Variants in VPS13A observed in about 807,000 individuals in gnomAD.
The protein encoded by VPS13A is intermembrane lipid transfer protein VPS13A.
VPS13A carries 264 observed loss-of-function variants against 390.9 expected under a neutral mutation model. The observed-to-expected ratio is 0.68, with a 90% CI of 0.61 to 0.75. VPS13A has a LOEUF of 0.75. VPS13A is among the 30% of genes least tolerant of loss of function. The pLI is 0.00. For synonymous variants in VPS13A, 1,231 were observed against 1,227.1 expected, an observed-to-expected ratio of 1.00 and a Z score of -0.07; for missense variants, 3,409 against 3,733.9, an observed-to-expected ratio of 0.91 and a Z score of 2.27.
At chr9:77,399,167 T>TAAA (rs763173093) in intron 68 of VPS13A, among the ~76,000 whole-genome samples, 30 of 86,104 alleles carry the variant, frequency 3.5e-4, no homozygotes, top group African/African-American at 7.9e-4. Flanking sequence ...TAGAGTATAA[T>TAAA]AAAAAAAAAA....
At chr9:77,313,897 C>A in intron 35 of VPS13A, 95 bp from the exon 36 acceptor site, 1 of 1,293,144 alleles carries the variant, frequency 7.7e-7, no homozygotes, top group Non-Finnish European at 1.1e-6. Flanking sequence ...TTTACTATAC[C>A]TGTTTAATAA....
In VPS13A at chr9:77,307,923, A is replaced by G. The variant is rs2275549; in HGVS notation, c.3961-22A>G. 824,047 of 1,550,302 alleles carry G rather than the reference A, an allele frequency of 0.53. 220,994 individuals are homozygous for G. Among genetic ancestry groups the G allele is most frequent in the Admixed American group, 0.63 (36,998 of 58,948 alleles). ...CAATGAAGTAGCAGTGCTAAAAAGA[A>G]CAAATCTTTTTTTTTTAACAGTTCA... On this transcript the variant is annotated intron_variant, in intron 34 of 71. Transcript: ENST00000360280.
chr9:77,292,863 G>C (rs1272317428), intron 31 of VPS13A, among the ~76,000 whole-genome samples: 1 of 151,986 alleles, frequency 6.6e-6, no homozygotes, highest in East Asian at 1.9e-4. Flanking sequence ...AATCTGATAA[G>C]GAACAGAAGT....
chr9:77,181,015 A>G (rs1373415100), intron 1 of VPS13A, among the ~76,000 whole-genome samples: 1 of 152,168 alleles, frequency 6.6e-6, no homozygotes, highest in Non-Finnish European at 1.5e-5. Flanking sequence ...ATGCCACTGC[A>G]TTCCAACCTA....
intron 22 of VPS13A, among the ~76,000 whole-genome samples, chr9:77,259,360 C>T (rs570661391): frequency 8.1e-4 from 124 of 152,228 alleles, no homozygotes; most frequent in Middle Eastern, 3.4e-3. Context: ...TAAACTACTA[C>T]TACGCTTGTG....
chr9:77,383,781 A>T (rs545304552), intron 68 of VPS13A, among the ~76,000 whole-genome samples: 5 of 152,110 alleles, frequency 3.3e-5, no homozygotes, highest in African/African-American at 9.6e-5. Context: ...TAATCACTAA[A>T]AGAGCTATTT....
rs1234465156 is a variant in VPS13A at position 77,213,403 on chromosome 9, G to T, written c.696+89G>T. 1.1e-5 allele frequency: 12 copies of T among 1,093,500 alleles called. No individual in the cohort carries two copies. In the African/African-American group the frequency reaches 1.6e-4, roughly 14 times the overall value. 67.7% of individuals were successfully genotyped at this position (1,093,500 alleles called of 1,614,324 possible). A position where few individuals can be genotyped will look rare whatever the true frequency, so the allele number is the denominator to read the frequency against. On this transcript the variant is annotated intron_variant, in intron 9 of 71. Coordinates refer to ENST00000360280, the MANE Select transcript of VPS13A (RefSeq NM_033305.3). ...TCATTTATCTAATATACTGTAGTCA[G>T]TATTTTTTCCTAGGCACAATCTATT...
chr9:77,359,840 C>T (rs1393342103), intron 58 of VPS13A, among the ~76,000 whole-genome samples: 1 of 149,278 alleles, frequency 6.7e-6, no homozygotes, highest in Non-Finnish European at 1.5e-5. Context: ...AAAGGCGGCT[C>T]TGGATGAAAT....
At chr9:77,325,504 A>T (rs560927357) in intron 45 of VPS13A, among the ~76,000 whole-genome samples, 1 of 150,542 alleles carries the variant, frequency 6.6e-6, no homozygotes, top group African/African-American at 2.4e-5. Context: ...TTGGGCTTAA[A>T]CTTGCTATTT....
chr9:77,405,804 T>C lies in VPS13A; in HGVS notation c.9276-60T>C, dbSNP rs1364102545. 3 of 1,600,934 alleles carry C rather than the reference T, an allele frequency of 1.9e-6. No individual in the cohort carries two copies. In the East Asian group the frequency reaches 6.7e-5, roughly 36 times the overall value. ...CTTGCGATTCATTCGTATCCTGTTG[T>C]TATTGGATATAAGTGCCTCAATTTT... On this transcript the variant is annotated intron_variant, in intron 69 of 71. Coordinates refer to ENST00000360280, the MANE Select transcript of VPS13A (RefSeq NM_033305.3).
At chr9:77,336,463 A>C (rs1830543219) in intron 46 of VPS13A, among the ~76,000 whole-genome samples, 1 of 152,214 alleles carries the variant, frequency 6.6e-6, no homozygotes. Flanking sequence ...TAATAACATT[A>C]AATATTGATT....
intron 13 of VPS13A, among the ~76,000 whole-genome samples, chr9:77,223,815 A>G (rs779136811): frequency 2.6e-5 from 4 of 152,172 alleles, no homozygotes; most frequent in Non-Finnish European, 5.9e-5. Context: ...TGGCTATACT[A>G]AACAGATTTT....
intron 60 of VPS13A, among the ~76,000 whole-genome samples, 162 bp downstream of exon 60, chr9:77,365,735 C>T (rs964025634): frequency 6.6e-6 from 1 of 151,892 alleles, no homozygotes; most frequent in Non-Finnish European, 1.5e-5. Context: ...TTTTAAATAA[C>T]TTTTTATCAT....
Position 77,359,409 on chromosome 9 carries a change from G to T in VPS13A, c.8105+7G>T, listed in dbSNP as rs377343928. The stretch of plus-strand genomic sequence containing the variant: ...CCCAGATATCACGTATTAAGTAAGT[G>T]TCTTAATACATTTCTTGTATATTTA... On this transcript the variant is annotated splice_region_variant and intron_variant, in intron 58 of 71. Transcript: ENST00000360280. 2 of 1,594,426 alleles carry T rather than the reference G, an allele frequency of 1.3e-6. No homozygotes were observed. The highest frequency in any genetic ancestry group is 1.7e-6 in the Non-Finnish European group (2 of 1,163,146).
intron 52 of VPS13A, among the ~76,000 whole-genome samples, chr9:77,347,277 G>A (rs909292135): frequency 1.3e-5 from 2 of 148,646 alleles, no homozygotes; most frequent in Non-Finnish European, 3.0e-5. Flanking sequence ...GCTTATGGCA[G>A]TATGGTCATT....
chr9:77,264,477 G>A (rs1203471639), intron 23 of VPS13A, among the ~76,000 whole-genome samples: 1 of 152,144 alleles, frequency 6.6e-6, no homozygotes, highest in Non-Finnish European at 1.5e-5. Context: ...TCTTTGAGCA[G>A]TGTTTTGTAG....
Position 77,247,368 on chromosome 9 carries a change from G to A in VPS13A, c.2010G>A (p.Leu670=). Residue 670 remains leucine (L), a synonymous_variant, in exon 20 of 72, where the codon CTG becomes CTA. Coordinates refer to ENST00000360280, the MANE Select transcript of VPS13A (RefSeq NM_033305.3). ...QDGIFSPTSN[L]LLLDLGHLKV... ...GAATTTTTAGTCCTACATCAAATCT[G>A]CTTCTTTTGGACCTTGGTCATCTAA... The A allele has an allele frequency of 1.2e-6, 2 of 1,612,138 alleles. No homozygotes were observed. The highest frequency in any genetic ancestry group is 1.7e-6 in the Non-Finnish European group (2 of 1,179,110).
chr9:77,202,732 C>T (rs1332566037), intron 3 of VPS13A, among the ~76,000 whole-genome samples: 2 of 152,060 alleles, frequency 1.3e-5, no homozygotes, highest in Non-Finnish European at 2.9e-5. Flanking sequence ...ATCTGCCCGC[C>T]TTCTCTTTTC....
In VPS13A at chr9:77,416,562, G is replaced by A. The variant is rs1444542093; in HGVS notation, c.*556G>A. On this transcript the variant is annotated 3_prime_UTR_variant, in exon 72 of 72. Transcript: ENST00000360280. ...TTTTCCTTTTTAATATAAAGGATAG[G>A]TTTGAATTGTACTTAAAATGCATAG... 6.5e-6 allele frequency: 1 copy of A among 153,284 alleles called. No homozygotes were observed. The highest frequency in any genetic ancestry group is 2.4e-5 in the African/African-American group (1 of 41,422). 9.5% of individuals were successfully genotyped at this position (153,284 alleles called of 1,614,324 possible). A position where few individuals can be genotyped will look rare whatever the true frequency, so the allele number is the denominator to read the frequency against.
Sources: gnomAD v4.1 joint callset for allele counts (sites outside exome capture counted in the v4.1 genomes callset) on GRCh38, gnomAD v4.1.1 for gene constraint, MANE v1.5 for transcripts, NCBI Gene and HGNC (gene_info 2026-07-23, HGNC 2026-07-21) for gene names.